The following KIRREL2 variants were observed in gnomAD, a reference collection of about 807,000 sequenced individuals.
The protein encoded by KIRREL2 is kirre like nephrin family adhesion molecule 2.
KIRREL2 carries 56 observed loss-of-function variants against 73.4 expected under a neutral mutation model. That is an observed-to-expected ratio of 0.76 (90% CI 0.62 to 0.95). The LOEUF is 0.95. KIRREL2 is among the 40% of genes least tolerant of loss of function. The probability of loss-of-function intolerance (pLI) is 0.00; values close to 1 mark genes in which losing one functional copy is unlikely to be tolerated. For synonymous variants in KIRREL2, 407 were observed against 404.0 expected, an observed-to-expected ratio of 1.01 and a Z score of -0.09; for missense variants, 896 against 935.0, an observed-to-expected ratio of 0.96 and a Z score of 0.54.
At chr19:35,865,465 T>C (rs1973928581) in intron 14 of KIRREL2, among the ~76,000 whole-genome samples, 1 of 152,204 alleles carries the variant, frequency 6.6e-6, no homozygotes, top group African/African-American at 2.4e-5. Flanking sequence ...TGCCATTCTC[T>C]TGGCCTGAAA....
At position 35,866,204 on chromosome 19, in the gene KIRREL2, G is replaced by A; in HGVS notation, c.1839G>A (p.Leu613=). The A allele has an allele frequency of 3.1e-6, 5 of 1,613,194 alleles. No homozygotes were observed. The highest frequency in any genetic ancestry group is 1.1e-5 in the South Asian group (1 of 91,042). ...AGGTCCGAGGAGTCAGTGTGAGCCT[G>A]AGCCTTGGCGAAGCCCCTGGAGGAG... ...YYKVRGVSVS[L]SLGEAPGGGL... is the part of the protein sequence containing the mutation. Residue 613 remains leucine, a synonymous_variant, in exon 15 of 15, where the codon CTG becomes CTA. Coordinates refer to ENST00000360202, the MANE Select transcript of KIRREL2 (RefSeq NM_199180.4).
chr19:35,856,922 C>A lies in KIRREL2; in HGVS notation c.-198C>A. The A allele has an allele frequency of 1.5e-6, 1 of 677,598 alleles. No individual in the cohort carries two copies. The highest frequency in any genetic ancestry group is 2.7e-6 in the Non-Finnish European group (1 of 370,858). 42.0% of individuals were successfully genotyped at this position (677,598 alleles called of 1,614,324 possible). On this transcript the variant is annotated 5_prime_UTR_variant, in exon 1 of 15. Coordinates refer to ENST00000360202, the MANE Select transcript of KIRREL2 (RefSeq NM_199180.4). The surrounding 1 kb of genome is among the most constrained non-coding windows in gnomAD (Gnocchi z 5.9). The stretch of plus-strand genomic sequence containing the variant: ...TCTTGGGGTCTCCCAGAGACCCAGG[C>A]CGCGGAACTGGCAGGCGTTTCAGAG...
chr19:35,865,421 G>A (rs941345818), intron 14 of KIRREL2, among the ~76,000 whole-genome samples: 1 of 152,094 alleles, frequency 6.6e-6, no homozygotes, highest in African/African-American at 2.4e-5. Context: ...AAAGTGCTGG[G>A]ATTACAGGCG....
rs749984753 is a variant in KIRREL2, at chr19:35,860,951, A to G, written c.971A>G (p.Asp324Gly). 1.2e-6 allele frequency: 2 copies of G among 1,613,996 alleles called. No homozygotes were observed. Among genetic ancestry groups the G allele is most frequent in the East Asian group, 2.2e-5 (1 of 44,880 alleles). Reference sequence around the variant, plus strand: ...GCAAAGCCGGAGCCCGTGTCCGTGGACGTGGGGGAAGACGCTTCCTTCAGC... The same window carrying G: ...GCAAAGCCGGAGCCCGTGTCCGTGGGCGTGGGGGAAGACGCTTCCTTCAGC... ...LQAKPEPVSVDVGEDASFSCA... is the reference protein window; with the variant it reads ...LQAKPEPVSVGVGEDASFSCA... Residue 324 changes from aspartate to glycine, a missense_variant, in exon 8 of 15, where the codon GAC becomes GGC. By Grantham distance (94) the Asp-to-Gly change is moderately conservative. Coordinates refer to ENST00000360202, the MANE Select transcript of KIRREL2 (RefSeq NM_199180.4).
rs757276599 is a variant in KIRREL2 at position 35,860,939 on chromosome 19, C to T, written c.959C>T (p.Pro320Leu). 4 of 1,614,016 alleles carry T rather than the reference C, an allele frequency of 2.5e-6. No homozygotes were observed. The South Asian group carries it at 4.4e-5, about 18-fold the overall frequency. Residue 320 changes from proline to leucine, a missense_variant, in exon 8 of 15, where the codon CCC becomes CTC. Pro to Leu is a moderately conservative substitution (Grantham distance 98, BLOSUM62 -3). Coordinates refer to ENST00000360202, the MANE Select transcript of KIRREL2 (RefSeq NM_199180.4). ...FGPILQAKPE[P>L]VSVDVGEDAS... ...CCGATTCTGCAGGCAAAGCCGGAGC[C>T]CGTGTCCGTGGACGTGGGGGAAGAC...
intron 2 of KIRREL2, 21 bp from the exon 3 acceptor site, chr19:35,858,387 C>T (rs1023450064): frequency 6.2e-7 from 1 of 1,606,822 alleles, no homozygotes; most frequent in Non-Finnish European, 8.5e-7. Context: ...GGTGTGCTGA[C>T]TGCCTTCTCC....
rs1443936209 is a variant in KIRREL2, at chr19:35,860,370, G to A, written c.747G>A (p.Gln249=). 2 of 1,613,804 alleles carry A rather than the reference G, an allele frequency of 1.2e-6. No homozygotes were observed. The highest frequency in any genetic ancestry group is 1.1e-5 in the South Asian group (1 of 91,080). Reference sequence around the variant, plus strand: ...GAGAGAAGGTCATTTTCCTGTGCCAGGCCACAGCCCAGCCTCCTGTCACAG... The same window carrying A: ...GAGAGAAGGTCATTTTCCTGTGCCAAGCCACAGCCCAGCCTCCTGTCACAG... The part of the protein sequence containing the change: ...QEGEKVIFLC[Q]ATAQPPVTGY... The change falls in exon 6 of 15, where the codon CAG becomes CAA. Residue 249 remains glutamine (Q), a synonymous_variant. Transcript: ENST00000360202.
intron 13 of KIRREL2, among the ~76,000 whole-genome samples, chr19:35,863,660 C>T (rs1032211795): frequency 1.3e-5 from 2 of 152,020 alleles, no homozygotes; most frequent in African/African-American, 4.8e-5. Context: ...CCATGTTGGC[C>T]AGGCTGGTCT....
chr19:35,859,663 G>A (rs759030094), intron 5 of KIRREL2, 32 bp downstream of exon 5: 2 of 1,610,258 alleles, frequency 1.2e-6, no homozygotes, highest in East Asian at 2.2e-5. Flanking sequence ...AAAGAGGGGT[G>A]TGGGGCCCTG....
chr19:35,856,760 G>A, upstream of KIRREL2: 1 of 404,688 alleles, frequency 2.5e-6, no homozygotes, highest in South Asian at 2.3e-5. The surrounding 1 kb of genome is among the most constrained non-coding windows in gnomAD (Gnocchi z 5.9). Context: ...CCCCAATTGA[G>A]CTGGGGGCGC....
In KIRREL2 at chr19:35,858,557, G is replaced by C; in HGVS notation, c.361G>C (p.Val121Leu). 6.2e-7 allele frequency: 1 copy of C among 1,613,982 alleles called. No homozygotes were observed. Among genetic ancestry groups the C allele is most frequent in the Non-Finnish European group, 8.5e-7 (1 of 1,179,940 alleles). Residue 121 changes from valine to leucine, a missense_variant and splice_region_variant, in exon 3 of 15, where the codon GTC (valine) becomes CTC (leucine). Transcript: ENST00000360202. ...RSRPAQLHVL[V>L]PPEAPQVLGG... ...CAGACCAGCCCAACTGCACGTGCTGGGTAAGGACCTCGCCCACTTGTCCCC... is the reference window on the plus strand; with the variant it reads ...CAGACCAGCCCAACTGCACGTGCTGCGTAAGGACCTCGCCCACTTGTCCCC...
In KIRREL2 at chr19:35,857,149, C is replaced by A. The variant is rs762743331; in HGVS notation, c.30C>A (p.Leu10=). 6.2e-7 allele frequency: 1 copy of A among 1,613,114 alleles called. No homozygotes were observed. The highest frequency in any genetic ancestry group is 1.1e-5 in the South Asian group (1 of 91,052). The part of the protein sequence containing the change: MLRMRVPAL[L]VLLFCFRGRA... The stretch of plus-strand genomic sequence containing the variant: ...TCAGGATGCGGGTCCCCGCCCTCCT[C>A]GTCCTCCTCTTCTGCTTCAGAGGGA... Residue 10 remains leucine, a synonymous_variant, in exon 1 of 15, where the codon CTC becomes CTA. Transcript: ENST00000360202.
chr19:35,862,510 C>T lies in KIRREL2; in HGVS notation c.1528C>T (p.Arg510Trp), dbSNP rs756798075. Reference sequence around the variant, plus strand: ...CCCTGCAGACTTGCTGCCCACTGTGCGGATAGTGGCCGGAGTGGCCGCTGC... The same window carrying T: ...CCCTGCAGACTTGCTGCCCACTGTGTGGATAGTGGCCGGAGTGGCCGCTGC... ...LGRRDLLPTV[R>W]IVAGVAAATT... Residue 510 changes from arginine to tryptophan, a missense_variant, in exon 12 of 15, where the codon CGG becomes TGG. Arg to Trp is a moderately radical substitution (Grantham distance 101). Transcript: ENST00000360202. The T allele has an allele frequency of 5.6e-6, 9 of 1,609,860 alleles. No individual in the cohort carries two copies. Among genetic ancestry groups the T allele is most frequent in the Middle Eastern group, 3.3e-4 (2 of 6,062 alleles).
chr19:35,866,974 C>T lies in KIRREL2; in HGVS notation c.*482C>T, dbSNP rs1973999271. 6.0e-6 allele frequency: 1 copy of T among 166,512 alleles called. No homozygotes were observed. The highest frequency in any genetic ancestry group is 6.5e-5 in the Admixed American group (1 of 15,414). 10.3% of individuals were successfully genotyped at this position (166,512 alleles called of 1,614,324 possible). A position where few individuals can be genotyped will look rare whatever the true frequency, so the allele number is the denominator to read the frequency against. ...AATGCAGCCAAGATGGCCATATACT[C>T]CCTAGGAACCCAAGATGGCCACCAT... On this transcript the variant is annotated 3_prime_UTR_variant, in exon 15 of 15. Coordinates refer to ENST00000360202, the MANE Select transcript of KIRREL2 (RefSeq NM_199180.4).
intron 12 of KIRREL2, 41 bp from the exon 13 acceptor site, chr19:35,862,886 A>C: frequency 1.6e-6 from 2 of 1,229,122 alleles, no homozygotes; most frequent in Non-Finnish European, 2.3e-6. Context: ...ACACATTGTG[A>C]CCCCGCCCAT....
rs376184283 is a variant in KIRREL2 at position 35,861,976 on chromosome 19, C to T, written c.1462C>T (p.Arg488Trp). Residue 488 changes from arginine to tryptophan, a missense_variant, in exon 11 of 15, where the codon CGG becomes TGG. Transcript: ENST00000360202. ...DFSRSFNCSA[R>W]NRLGEGGAQA... The stretch of plus-strand genomic sequence containing the variant: ...TAGCAGGAGCTTTAACTGCAGTGCC[C>T]GGAACCGGCTGGGCGAGGGAGGTGC... The T allele has an allele frequency of 8.7e-6, 14 of 1,612,812 alleles. No homozygotes were observed. The African/African-American group carries it at 1.5e-4, about 17-fold the overall frequency.
In KIRREL2 at chr19:35,857,011, G is replaced by A. The variant is rs1973446694; in HGVS notation, c.-109G>A. ...GGCCAGAGACTAGGCTGGGCGAAGA[G>A]TCGAGCGTGAAGGGGGCTCCGGGCC... is the stretch of plus-strand genomic sequence containing the variant. On this transcript the variant is annotated 5_prime_UTR_variant, in exon 1 of 15. Transcript: ENST00000360202. 1 of 1,125,814 alleles carries A rather than the reference G, an allele frequency of 8.9e-7. No individual in the cohort carries two copies. Among genetic ancestry groups the A allele is most frequent in the Non-Finnish European group, 1.3e-6 (1 of 741,450 alleles). 69.7% of individuals were successfully genotyped at this position (1,125,814 alleles called of 1,614,324 possible).
upstream of KIRREL2, chr19:35,851,479 G>A (rs1429736207): frequency 1.9e-6 from 3 of 1,613,600 alleles, no homozygotes; most frequent in Admixed American, 5.0e-5. Flanking sequence ...CCCCTTCCAG[G>A]CGGTACCTCG....
chr19:35,862,778 A>G (rs1351539802), intron 12 of KIRREL2, 149 bp from the exon 13 acceptor site: 1 of 680,342 alleles, frequency 1.5e-6, no homozygotes, highest in Non-Finnish European at 2.6e-6. Flanking sequence ...TCCCAGGGTC[A>G]CACTCCTCGG....
Sources: allele counts gnomAD v4.1 joint callset (sites outside exome capture counted in the v4.1 genomes callset), GRCh38; gene constraint gnomAD v4.1.1; non-coding constraint Gnocchi (gnomAD v3.1); transcripts MANE v1.5; gene names NCBI Gene and HGNC (gene_info 2026-07-23, HGNC 2026-07-21).